Variants in ATP7A observed in about 807,000 individuals in gnomAD.
The protein encoded by ATP7A is ATPase copper transporting alpha.
ATP7A carries 7 observed loss-of-function variants against 83.5 expected under a neutral mutation model. That is an observed-to-expected ratio of 0.08 (90% CI 0.05 to 0.16). ATP7A has a LOEUF of 0.16. Ranked by LOEUF, ATP7A falls within the 10% of genes least tolerant of loss-of-function variation. The pLI, the probability that ATP7A is intolerant of heterozygous loss-of-function variation, is 1.00. For missense variants in ATP7A, 940 were observed against 1,120.8 expected (o/e 0.84, Z 2.30); for synonymous variants, 354 against 395.2 (o/e 0.90, Z 1.24).
chrX:77,983,280 A>T (rs1258095598), intron 2 of ATP7A, among the ~76,000 whole-genome samples: 1 of 112,363 alleles, frequency 8.9e-6, no homozygotes. Context: ...ATAGAAAGTT[A>T]GAACTGAAAA....
At chrX:78,008,937 A>C (rs1557234034) in intron 6 of ATP7A, among the ~76,000 whole-genome samples, 165 bp from the exon 7 acceptor site, 1 of 106,860 alleles carries the variant, frequency 9.4e-6, no homozygotes, top group African/African-American at 3.4e-5. Context: ...AATCACTTGA[A>C]CCTGGAAGGC....
intron 4 of ATP7A, among the ~76,000 whole-genome samples, chrX:77,992,348 C>T (rs782526705): frequency 6.9e-4 from 76 of 110,057 alleles, no homozygotes; most frequent in Non-Finnish European, 1.2e-3. Context: ...CAGGCGTGAG[C>T]CACCATGCCT....
At chrX:78,043,014 G>C (rs2078059879) in intron 20 of ATP7A, among the ~76,000 whole-genome samples, 1 of 112,186 alleles carries the variant, frequency 8.9e-6, no homozygotes, top group South Asian at 3.7e-4. Flanking sequence ...CTGAAGTGAA[G>C]AAGAAGATTT....
Position 78,042,492 on chromosome X carries a change from C to T in ATP7A, c.3802-93C>T, listed in dbSNP as rs782211119. The T allele has an allele frequency of 4.4e-5, 40 of 909,547 alleles. No individual in the cohort carries two copies. In the African/African-American group the frequency reaches 6.8e-4, roughly 16 times the overall value. The allele number at this position is 909,547 out of a possible 1,213,427, so 75.0% of individuals were successfully genotyped here. ...TATCAGTCTTTTAAAATGTGGACAT[C>T]TTGTGGGTGAAAACTGATGGCTTGT... is the stretch of plus-strand genomic sequence containing the variant. On this transcript the variant is annotated intron_variant, in intron 19 of 22. Coordinates refer to ENST00000341514, the MANE Select transcript of ATP7A (RefSeq NM_000052.7).
chrX:77,917,971 G>T (rs1557222713), intron 1 of ATP7A, among the ~76,000 whole-genome samples: 1 of 111,561 alleles, frequency 9.0e-6, no homozygotes, highest in Non-Finnish European at 1.9e-5. Flanking sequence ...ATTGTCAAAT[G>T]AATACCTGTT....
intron 1 of ATP7A, among the ~76,000 whole-genome samples, chrX:77,925,703 C>G (rs891285304): frequency 5.4e-5 from 6 of 111,414 alleles, no homozygotes; most frequent in Admixed American, 1.9e-4. Context: ...CTTTCAAACT[C>G]ACATATACAT....
At chrX:78,030,450 G>A (rs782683549) in intron 15 of ATP7A, among the ~76,000 whole-genome samples, 27 of 110,140 alleles carry the variant, frequency 2.5e-4, no homozygotes, top group Admixed American at 1.4e-3. Flanking sequence ...TGCAAGACTA[G>A]TACAAAGAAC....
chrX:78,012,815 T>G (rs1161496913), intron 9 of ATP7A, 64 bp from the exon 10 acceptor site: 4 of 957,131 alleles, frequency 4.2e-6, no homozygotes, highest in Non-Finnish European at 6.0e-6. Context: ...CTTTAAGTTA[T>G]TGAGATATAT....
At chrX:78,005,593 G>A (rs181744785) in intron 6 of ATP7A, among the ~76,000 whole-genome samples, 91 of 94,278 alleles carry the variant, frequency 9.7e-4, no homozygotes, top group Non-Finnish European at 1.0e-3. Flanking sequence ...TGAGGCAGGA[G>A]AATCACTTGA....
At chrX:78,035,175 A>T (rs782375470) in intron 17 of ATP7A, among the ~76,000 whole-genome samples, 3 of 111,643 alleles carry the variant, frequency 2.7e-5, no homozygotes, top group African/African-American at 9.8e-5. Context: ...ATTCATGCTC[A>T]TCACTTAGTC....
intron 1 of ATP7A, among the ~76,000 whole-genome samples, chrX:77,947,941 A>G (rs2077390758): frequency 9.6e-6 from 1 of 104,529 alleles, no homozygotes; most frequent in Admixed American, 1.1e-4. Context: ...GGGTTTTACC[A>G]TGTTAGCCAG....
intron 1 of ATP7A, among the ~76,000 whole-genome samples, chrX:77,950,994 C>T (rs1457338748): frequency 8.2e-5 from 9 of 110,249 alleles, no homozygotes; most frequent in African/African-American, 3.0e-4. Flanking sequence ...TGCACTCCAG[C>T]CTGGTAACAG....
rs1557237065 is a variant in ATP7A at position 78,031,528 on chromosome X, T to C, written c.3240T>C (p.Ala1080=). 1.4e-5 allele frequency: 17 copies of C among 1,209,743 alleles called. No homozygotes were observed. The highest frequency in any genetic ancestry group is 1.8e-5 in the Non-Finnish European group (16 of 894,914). Residue 1080 remains alanine (A), a synonymous_variant, in exon 16 of 23, where the codon GCT becomes GCC. Coordinates refer to ENST00000341514, the MANE Select transcript of ATP7A (RefSeq NM_000052.7). ...HHKILAIVGT[A]ESNSEHPLGT... is the part of the protein sequence containing the mutation. ...AAATCTTGGCCATTGTGGGAACTGC[T>C]GAAAGTAACAGTGAACACCCTCTAG... is the stretch of plus-strand genomic sequence containing the variant.
In ATP7A at chrX:78,042,656, G is replaced by A. The variant is rs369940614; in HGVS notation, c.3873G>A (p.Glu1291=). The change falls in exon 20 of 23, where the codon GAG becomes GAA. Residue 1291 remains glutamate (E), a synonymous_variant. Coordinates refer to ENST00000341514, the MANE Select transcript of ATP7A (RefSeq NM_000052.7). ...HKVAKVKQLQ[E]EGKRVAMVGD... ...TTGCTAAAGTGAAGCAACTTCAAGAGGAGGGGAAACGGGTAGCAATGGTGG... is the reference window on the plus strand; with the variant it reads ...TTGCTAAAGTGAAGCAACTTCAAGAAGAGGGGAAACGGGTAGCAATGGTGG... The A allele has an allele frequency of 5.8e-6, 7 of 1,212,004 alleles. No individual in the cohort carries two copies. The African/African-American group carries it at 1.2e-4, about 21-fold the overall frequency.
chrX:77,915,464 T>A (rs1557222417), intron 1 of ATP7A, among the ~76,000 whole-genome samples: 1 of 111,016 alleles, frequency 9.0e-6, no homozygotes, highest in Non-Finnish European at 1.9e-5. Context: ...TCCTTCAAAT[T>A]TCTAAAATGG....
rs1557231859 is a variant in ATP7A, at chrX:77,989,682, A to T, written c.1060A>T (p.Thr354Ser). 1 of 1,209,352 alleles carries T rather than the reference A, an allele frequency of 8.3e-7. No homozygotes were observed. Among genetic ancestry groups the T allele is most frequent in the African/African-American group, 1.8e-5 (1 of 57,129 alleles). Reference sequence around the variant, plus strand: ...TAGTATCACAAGTGAAGTTGAGAGTACCTCAAACTCTCCCTCCAGCTCATC... The same window carrying T: ...TAGTATCACAAGTGAAGTTGAGAGTTCCTCAAACTCTCCCTCCAGCTCATC... ...RVSITSEVESTSNSPSSSSLQ... is the reference protein window; with the variant it reads ...RVSITSEVESSSNSPSSSSLQ... Residue 354 changes from threonine (T) to serine (S), a missense_variant, in exon 4 of 23, where the codon ACC becomes TCC. By Grantham distance (58) the Thr-to-Ser change is moderately conservative. Coordinates refer to ENST00000341514, the MANE Select transcript of ATP7A (RefSeq NM_000052.7).
At chrX:77,956,788 T>TTTC (rs1205697788) in intron 1 of ATP7A, among the ~76,000 whole-genome samples, 33 of 66,825 alleles carry the variant, frequency 4.9e-4, no homozygotes, top group African/African-American at 1.7e-3. Flanking sequence ...TCTTTCTTTC[T>TTTC]CTTTCTTTCT....
At chrX:78,028,750 C>T (rs1297813094) in intron 14 of ATP7A, among the ~76,000 whole-genome samples, 5 of 112,475 alleles carry the variant, frequency 4.4e-5, no homozygotes, top group African/African-American at 6.5e-5. Context: ...AAACACTGAA[C>T]GTCACTAAGA....
chrX:77,969,441 G>C lies in ATP7A; in HGVS notation c.-21-2180G>C, dbSNP rs782549297. 3 of 1,210,258 alleles carry C rather than the reference G, an allele frequency of 2.5e-6. No individual in the cohort carries two copies. In the Admixed American group the frequency reaches 6.5e-5, roughly 26 times the overall value. ...CAATGGCATCTAGCACTGTCCAGAG[G>C]GTCCGGATCACTCTCTTCTGCACTG... On this transcript the variant is annotated intron_variant, in intron 1 of 22. Transcript: ENST00000341514.
Sources: gnomAD v4.1 joint callset for allele counts (sites outside exome capture counted in the v4.1 genomes callset) on GRCh38, gnomAD v4.1.1 for gene constraint, MANE v1.5 for transcripts, NCBI Gene and HGNC (gene_info 2026-07-23, HGNC 2026-07-21) for gene names.